Variants in GTF3C5 observed in about 807,000 individuals in gnomAD.
GTF3C5 encodes the protein general transcription factor 3C polypeptide 5.
Under a neutral mutation model 61.0 loss-of-function variants are expected in GTF3C5, and 47 were observed. That is an observed-to-expected ratio of 0.77 (90% CI 0.61 to 0.98). GTF3C5 has a LOEUF of 0.98. Among genes scored for constraint, GTF3C5 ranks in the 50% least tolerant of loss-of-function variants. The probability of loss-of-function intolerance (pLI) is 0.00; values close to 1 mark genes in which losing one functional copy is unlikely to be tolerated. For missense variants in GTF3C5, 659 were observed against 703.3 expected (o/e 0.94, Z 0.71); for synonymous variants, 295 against 275.4 (o/e 1.07, Z -0.71).
At chr9:133,049,769 A>G (rs991732824) in intron 3 of GTF3C5, among the ~76,000 whole-genome samples, 1 of 152,298 alleles carries the variant, frequency 6.6e-6, no homozygotes, top group Non-Finnish European at 1.5e-5. Context: ...ATGTGTGTGT[A>G]TGTGTTTTAA....
At position 133,054,503 on chromosome 9, in the gene GTF3C5, C is replaced by A; in HGVS notation, c.1069+15C>A. On this transcript the variant is annotated intron_variant, in intron 7 of 10. Transcript: ENST00000372097. ...CAAGAAGACATGTAAGCGTGCCAGGCGCCTTTTGTGGGTCATGAGTGATTT... is the reference window on the plus strand; with the variant it reads ...CAAGAAGACATGTAAGCGTGCCAGGAGCCTTTTGTGGGTCATGAGTGATTT... The A allele has an allele frequency of 6.2e-7, 1 of 1,611,370 alleles. No homozygotes were observed. Among genetic ancestry groups the A allele is most frequent in the Non-Finnish European group, 8.5e-7 (1 of 1,177,532 alleles).
At chr9:133,051,050 T>G in intron 4 of GTF3C5, 72 bp downstream of exon 4, 1 of 1,204,524 alleles carries the variant, frequency 8.3e-7, no homozygotes, top group Non-Finnish European at 1.1e-6. Context: ...ACCCAGCTGC[T>G]CCCTGTTCCT....
In GTF3C5 at chr9:133,050,704, G is replaced by A. The variant is rs1850344011; in HGVS notation, c.573-79G>A. The A allele has an allele frequency of 6.6e-6, 7 of 1,056,600 alleles. No individual in the cohort carries two copies. The South Asian group carries it at 9.8e-5, about 15-fold the overall frequency. 65.5% of individuals were successfully genotyped at this position (1,056,600 alleles called of 1,614,324 possible). ...GGCTGTGGGCCTTGGGGGGTTCTGG[G>A]CTCCCTGCCTGGTCTGGCCCAGCGG... On this transcript the variant is annotated intron_variant, in intron 3 of 10. Coordinates refer to ENST00000372097, the MANE Select transcript of GTF3C5 (RefSeq NM_012087.4).
At chr9:133,054,348 A>G in intron 6 of GTF3C5, 60 bp from the exon 7 acceptor site, 3 of 1,369,716 alleles carry the variant, frequency 2.2e-6, no homozygotes, top group South Asian at 2.3e-5. Flanking sequence ...GTGTGAAGCC[A>G]GTGTTGTGTG....
chr9:133,057,933 G>C lies in GTF3C5; in HGVS notation c.1513G>C (p.Asp505His), dbSNP rs1385234475. ...GGAGGAGGAGGACTTCAAGCCATCC[G>C]ACGGCAGTGAAAACGAAATGGAGAC... is the stretch of plus-strand genomic sequence containing the variant. ...EEEEEDFKPS[D>H]GSENEMETEI... The change falls in exon 11 of 11, where the codon GAC (aspartate) becomes CAC (histidine). Residue 505 changes from aspartate to histidine, a missense_variant. Asp to His is a moderately conservative substitution (Grantham distance 81). Transcript: ENST00000372097. The C allele has an allele frequency of 6.2e-7, 1 of 1,613,860 alleles. No individual in the cohort carries two copies. The highest frequency in any genetic ancestry group is 8.5e-7 in the Non-Finnish European group (1 of 1,180,018).
intron 3 of GTF3C5, among the ~76,000 whole-genome samples, chr9:133,047,161 C>T (rs1228415442): frequency 2.0e-5 from 3 of 152,106 alleles, no homozygotes; most frequent in Admixed American, 6.5e-5. Flanking sequence ...CTCGCAATAC[C>T]AGTCTCCTAC....
At chr9:133,052,499 G>A (rs1162585609) in intron 5 of GTF3C5, among the ~76,000 whole-genome samples, 1 of 151,800 alleles carries the variant, frequency 6.6e-6, no homozygotes, top group East Asian at 1.9e-4. Context: ...GCCCTCCACA[G>A]CCTGTTGGGC....
At chr9:133,033,360 C>A (rs958851191) in intron 1 of GTF3C5, among the ~76,000 whole-genome samples, 1 of 152,102 alleles carries the variant, frequency 6.6e-6, no homozygotes, top group African/African-American at 2.4e-5. Flanking sequence ...AGGTACCGCT[C>A]CAGTTACTTG....
chr9:133,048,007 TG>T (rs1291424503), intron 3 of GTF3C5, among the ~76,000 whole-genome samples: 7 of 152,158 alleles, frequency 4.6e-5, no homozygotes, highest in Non-Finnish European at 8.8e-5. Context: ...CGTGTGCCTG[TG>T]GTCTCAGCTA....
chr9:133,044,169 A>G (rs1005926949), intron 3 of GTF3C5: 14 of 515,212 alleles, frequency 2.7e-5, no homozygotes, highest in Admixed American at 7.1e-5. Context: ...AAAAAAAAAA[A>G]GAAAATGGGA....
At chr9:133,056,134 G>C in intron 9 of GTF3C5, 40 bp downstream of exon 9, 1 of 1,556,108 alleles carries the variant, frequency 6.4e-7, no homozygotes, top group Non-Finnish European at 8.9e-7. Context: ...AGGGGGGCCC[G>C]TGGGACCCAG....
Position 133,046,565 on chromosome 9 carries a change from T to G in GTF3C5, c.572+2639T>G, listed in dbSNP as rs148844519. Among the ~76,000 whole-genome samples the G allele has an allele frequency of 5.4e-3, 822 of 152,308 alleles. 7 individuals are homozygous for G. Among genetic ancestry groups the G allele is most frequent in the African/African-American group, 0.019 (769 of 41,556 alleles). ...TTCTCATTCCTCATTATGTGTTTCC[T>G]TTATGTCCTGACTGAGCACCTGTGG... On this transcript the variant is annotated intron_variant, in intron 3 of 10. Transcript: ENST00000372097.
At position 133,054,712 on chromosome 9, in the gene GTF3C5, C is replaced by T. The variant is rs755489377; in HGVS notation, c.1070C>T (p.Ser357Phe). 6.4e-7 allele frequency: 1 copy of T among 1,565,664 alleles called. No individual in the cohort carries two copies. Among genetic ancestry groups the T allele is most frequent in the Non-Finnish European group, 8.7e-7 (1 of 1,154,848 alleles). ...AAGCACTGCTGTTGTCCCCACGCAG[C>T]CAGCCAGCTTGTCACCATGCATGAC... ...YSLPITVKKTSSQLVTMHDLK... is the reference protein window; with the variant it reads ...YSLPITVKKTFSQLVTMHDLK... Residue 357 changes from serine to phenylalanine, a missense_variant and splice_region_variant, in exon 8 of 11, where the codon TCC becomes TTC. Transcript: ENST00000372097.
In GTF3C5 at chr9:133,031,045, G is replaced by A. The variant is rs1368204913; in HGVS notation, c.34G>A (p.Ala12Thr). 4 of 1,612,146 alleles carry A rather than the reference G, an allele frequency of 2.5e-6. No individual in the cohort carries two copies. Among genetic ancestry groups the A allele is most frequent in the Non-Finnish European group, 3.4e-6 (4 of 1,179,198 alleles). The change falls in exon 1 of 11, where the codon GCC becomes ACC. Residue 12 changes from alanine to threonine, a missense_variant. Transcript: ENST00000372097. ...GGAGGCGGCCGATTTGGGGCTGGGGGCCGCCGTCCCCGTGGAGCTGAGGCG... is the reference window on the plus strand; with the variant it reads ...GGAGGCGGCCGATTTGGGGCTGGGGACCGCCGTCCCCGTGGAGCTGAGGCG... ...AAEAADLGLG[A>T]AVPVELRRER...
chr9:133,038,246 T>C (rs1454776818), intron 1 of GTF3C5, among the ~76,000 whole-genome samples: 2 of 152,184 alleles, frequency 1.3e-5, no homozygotes, highest in Non-Finnish European at 2.9e-5. Context: ...ATATCTAATA[T>C]CCGGGACACT....
intron 1 of GTF3C5, among the ~76,000 whole-genome samples, chr9:133,037,407 C>G (rs977203982): frequency 6.6e-6 from 1 of 152,092 alleles, no homozygotes; most frequent in Non-Finnish European, 1.5e-5. Flanking sequence ...TCAAGGAGCC[C>G]GTCCCTAATG....
intron 10 of GTF3C5, among the ~76,000 whole-genome samples, 175 bp downstream of exon 10, chr9:133,057,083 AC>A (rs1438018410): frequency 6.6e-6 from 1 of 152,078 alleles, no homozygotes; most frequent in Non-Finnish European, 1.5e-5. Flanking sequence ...TGCTGGCATC[AC>A]CCCAGCTGCC....
At chr9:133,054,854 T>C in intron 8 of GTF3C5, 45 bp downstream of exon 8, 5 of 1,538,598 alleles carry the variant, frequency 3.2e-6, no homozygotes, top group Non-Finnish European at 4.4e-6. Flanking sequence ...GACTTCCCTC[T>C]TGGGGCCGGG....
intron 8 of GTF3C5, chr9:133,055,196 A>G (rs1277480112): frequency 7.8e-6 from 12 of 1,530,276 alleles, no homozygotes; most frequent in Non-Finnish European, 7.0e-6. Flanking sequence ...CAGCTGTGGC[A>G]GGAGCCTCAC....
Sources: allele counts gnomAD v4.1 joint callset (sites outside exome capture counted in the v4.1 genomes callset), GRCh38; gene constraint gnomAD v4.1.1; transcripts MANE v1.5; gene names NCBI Gene and HGNC (gene_info 2026-07-23, HGNC 2026-07-21).